MTTP: variants seen among roughly 807,000 people sequenced by gnomAD.
The protein encoded by MTTP is microsomal triglyceride transfer protein, also known as microsomal triglyceride transfer protein large subunit.
MTTP carries 49 observed loss-of-function variants against 90.6 expected under a neutral mutation model. The ratio of observed to expected loss-of-function variants is 0.54; its 90% CI spans 0.43 to 0.69. The LOEUF is 0.69. MTTP is among the 30% of genes least tolerant of loss of function. The probability of loss-of-function intolerance (pLI) is 0.00; values close to 1 mark genes in which losing one functional copy is unlikely to be tolerated. For synonymous variants in MTTP, 347 were observed against 384.2 expected (o/e 0.90, Z 1.13); for missense variants, 945 against 1,067.5 (o/e 0.89, Z 1.60).
intron 3 of MTTP, among the ~76,000 whole-genome samples, chr4:99,584,854 C>T (rs1004505354): frequency 6.6e-6 from 1 of 152,076 alleles, no homozygotes; most frequent in African/African-American, 2.4e-5. Flanking sequence ...CCTCCATGCC[C>T]TTCCACTCCC....
At chr4:99,594,628 C>A in intron 6 of MTTP, 105 bp from the exon 7 acceptor site, 1 of 1,361,208 alleles carries the variant, frequency 7.3e-7, no homozygotes, top group Non-Finnish European at 1.0e-6. Context: ...TGGCTATATA[C>A]AACTTGAATA....
At chr4:99,594,320 C>G (rs1357147183) in intron 6 of MTTP, among the ~76,000 whole-genome samples, 1 of 152,092 alleles carries the variant, frequency 6.6e-6, no homozygotes. Flanking sequence ...AAGAGCATGT[C>G]AGACAAAAAT....
intron 15 of MTTP, among the ~76,000 whole-genome samples, chr4:99,618,121 A>G (rs1052973221): frequency 5.9e-5 from 9 of 152,244 alleles, no homozygotes; most frequent in African/African-American, 1.9e-4. Flanking sequence ...ACAGCAACAT[A>G]GCATTTACAC....
intron 14 of MTTP, 127 bp downstream of exon 14, chr4:99,611,580 T>C: frequency 7.5e-7 from 1 of 1,338,402 alleles, no homozygotes; most frequent in Non-Finnish European, 1.1e-6. Context: ...TGTCATATTT[T>C]GCCCATGATT....
At position 99,582,099 on chromosome 4, in the gene MTTP, A is replaced by G. The variant is rs1387930213; in HGVS notation, c.249+7A>G. 6.2e-7 allele frequency: 1 copy of G among 1,613,896 alleles called. No homozygotes were observed. The highest frequency in any genetic ancestry group is 1.7e-5 in the Admixed American group (1 of 60,004). On this transcript the variant is annotated splice_region_variant and intron_variant, in intron 2 of 17. Transcript: ENST00000265517. Reference sequence around the variant, plus strand: ...CCAGTTGATCCAAATAACGGTGGGCATTTTCTACCAGATAAATGCAAAGAT... The same window carrying G: ...CCAGTTGATCCAAATAACGGTGGGCGTTTTCTACCAGATAAATGCAAAGAT...
intron 7 of MTTP, among the ~76,000 whole-genome samples, chr4:99,595,891 T>G (rs1355198763): frequency 2.0e-5 from 3 of 152,058 alleles, no homozygotes; most frequent in Non-Finnish European, 4.4e-5. Context: ...CCCATAGATA[T>G]TAAACATTAT....
chr4:99,565,271 T>C (rs556311717), intron 1 of MTTP, among the ~76,000 whole-genome samples: 1 of 152,202 alleles, frequency 6.6e-6, no homozygotes, highest in Non-Finnish European at 1.5e-5. Context: ...ATACCTGGCC[T>C]CCTTAGATAT....
intron 2 of MTTP, 96 bp from the exon 3 acceptor site, chr4:99,583,278 A>T (rs1468947107): frequency 3.6e-6 from 5 of 1,394,282 alleles, no homozygotes; most frequent in South Asian, 1.3e-5. Context: ...ATTGTGGCCA[A>T]CTCTTTCTGT....
Position 99,623,069 on chromosome 4 carries a change from T to C in MTTP, c.*221T>C. The C allele has an allele frequency of 3.4e-6, 2 of 579,960 alleles. No homozygotes were observed. The highest frequency in any genetic ancestry group is 6.2e-6 in the Non-Finnish European group (2 of 323,830). The allele number at this position is 579,960 out of a possible 1,614,324, so 35.9% of individuals were successfully genotyped here. On this transcript the variant is annotated 3_prime_UTR_variant, in exon 18 of 18. Coordinates refer to ENST00000265517, the MANE Select transcript of MTTP (RefSeq NM_001386140.1). ...CATCATGTGACGCTTTCAACAACGT[T>C]CTTAGTTTACTTATACCTCTCTCAA...
At chr4:99,579,840 C>T (rs1383138725) in intron 1 of MTTP, among the ~76,000 whole-genome samples, 1 of 151,616 alleles carries the variant, frequency 6.6e-6, no homozygotes, top group Non-Finnish European at 1.5e-5. Context: ...GAGTTCAGGA[C>T]CAGCCTGGCC....
At chr4:99,564,143 GT>G in exon 1 of MTTP, 2 of 1,535,626 alleles carry the variant, frequency 1.3e-6, no homozygotes, top group Non-Finnish European at 1.7e-6. Context: ...TGGAGTTAGT[GT>G]TTTGGGAGTG....
intron 10 of MTTP, among the ~76,000 whole-genome samples, chr4:99,603,428 G>A (rs1348723333): frequency 6.6e-6 from 1 of 152,124 alleles, no homozygotes; most frequent in Admixed American, 6.6e-5. Flanking sequence ...CTGGATTAGA[G>A]TTAGTGAGAT....
chr4:99,575,065 GAA>G lies in MTTP; in HGVS notation c.61+97_61+98del. 5 of 1,362,288 alleles carry G rather than the reference GAA, an allele frequency of 3.7e-6. No homozygotes were observed. The South Asian group carries it at 4.7e-5, about 13-fold the overall frequency. 84.4% of individuals were successfully genotyped at this position (1,362,288 alleles called of 1,614,324 possible). A position where few individuals can be genotyped will look rare whatever the true frequency, so the allele number is the denominator to read the frequency against. On this transcript the variant is annotated intron_variant, in intron 1 of 17. Coordinates refer to ENST00000265517, the MANE Select transcript of MTTP (RefSeq NM_001386140.1). Reference sequence around the variant, plus strand: ...GTGTGTGTTTGTGTGAGTGAATAGTGAAAGAGTTTCTGACTAAACTATCTTCA... The same window carrying G: ...GTGTGTGTTTGTGTGAGTGAATAGTGAGAGTTTCTGACTAAACTATCTTCA...
chr4:99,580,222 A>G (rs1232248000), intron 1 of MTTP, among the ~76,000 whole-genome samples: 6 of 151,678 alleles, frequency 4.0e-5, no homozygotes, highest in Non-Finnish European at 8.8e-5. Context: ...AATTCAACCT[A>G]TAGTTTTAGA....
intron 16 of MTTP, among the ~76,000 whole-genome samples, chr4:99,620,024 A>G (rs1211203173): frequency 6.6e-6 from 1 of 152,226 alleles, no homozygotes; most frequent in Non-Finnish European, 1.5e-5. Flanking sequence ...CAGCAACAAC[A>G]ACAAAAAGTA....
At chr4:99,576,648 T>C (rs1578231185) in intron 1 of MTTP, among the ~76,000 whole-genome samples, 1 of 116,570 alleles carries the variant, frequency 8.6e-6, no homozygotes. Context: ...TGAGCCGAGA[T>C]CCCGCCACTG....
intron 3 of MTTP, 102 bp from the exon 4 acceptor site, chr4:99,589,541 G>C (rs943830208): frequency 6.8e-6 from 5 of 737,664 alleles, no homozygotes; most frequent in African/African-American, 3.5e-5. Flanking sequence ...CTTTCTCCCA[G>C]GATTAATACA....
At chr4:99,606,565 G>T (rs1560622862) in intron 10 of MTTP, among the ~76,000 whole-genome samples, 183 bp from the exon 11 acceptor site, 1 of 152,010 alleles carries the variant, frequency 6.6e-6, no homozygotes, top group Non-Finnish European at 1.5e-5. Flanking sequence ...TTTAAAAAAA[G>T]CATAACACCT....
At chr4:99,599,513 T>C (rs978946799) in intron 8 of MTTP, among the ~76,000 whole-genome samples, 5 of 152,192 alleles carry the variant, frequency 3.3e-5, no homozygotes, top group African/African-American at 4.8e-5. Context: ...GACAGAGATG[T>C]TCAGTGGATT....
Sources: gnomAD v4.1 joint callset for allele counts (sites outside exome capture counted in the v4.1 genomes callset) on GRCh38, gnomAD v4.1.1 for gene constraint, MANE v1.5 for transcripts, NCBI Gene and HGNC (gene_info 2026-07-23, HGNC 2026-07-21) for gene names.